The following ABCC4 variants were observed in gnomAD, a reference collection of about 807,000 sequenced individuals.
The protein encoded by ABCC4 is ATP-binding cassette sub-family C member 4.
Under a neutral mutation model 168.5 loss-of-function variants are expected in ABCC4, and 102 were observed. The ratio of observed to expected loss-of-function variants is 0.61; its 90% CI spans 0.52 to 0.71. The LOEUF (loss-of-function observed/expected upper bound fraction) is 0.71. Among genes scored for constraint, ABCC4 ranks in the 30% least tolerant of loss-of-function variants. The pLI, the probability that ABCC4 is intolerant of heterozygous loss-of-function variation, is 0.00. For synonymous variants in ABCC4, 617 were observed against 590.7 expected (o/e 1.04, Z -0.65); for missense variants, 1,402 against 1,605.8 (o/e 0.87, Z 2.17).
chr13:95,300,123 G>C (rs1252888195), intron 1 of ABCC4, among the ~76,000 whole-genome samples: 2 of 152,216 alleles, frequency 1.3e-5, no homozygotes, highest in Non-Finnish European at 2.9e-5. Flanking sequence ...ACAGGCGTGA[G>C]CCACCGCGCC....
intron 10 of ABCC4, among the ~76,000 whole-genome samples, chr13:95,188,153 A>G (rs1420774649): frequency 1.5e-5 from 2 of 137,772 alleles, no homozygotes; most frequent in Non-Finnish European, 3.2e-5. Flanking sequence ...AGAAGTTCCC[A>G]CTTTCTTAGT....
At chr13:95,049,151 T>C (rs1490346180) in intron 27 of ABCC4, among the ~76,000 whole-genome samples, 1 of 151,224 alleles carries the variant, frequency 6.6e-6, no homozygotes, top group African/African-American at 2.4e-5. Context: ...GTGGCCAACA[T>C]GGCAAAACCC....
At chr13:95,114,634 T>G (rs2035312004) in intron 20 of ABCC4, among the ~76,000 whole-genome samples, 1 of 152,174 alleles carries the variant, frequency 6.6e-6, no homozygotes, top group Non-Finnish European at 1.5e-5. Context: ...GAGTCTCAGC[T>G]TACTTCACCT....
At chr13:95,054,129 T>C (rs1307772459) in intron 26 of ABCC4, among the ~76,000 whole-genome samples, 1 of 145,986 alleles carries the variant, frequency 6.8e-6, no homozygotes, top group Admixed American at 7.0e-5. Context: ...TGCCTCTGAT[T>C]TTGCATCAGT....
chr13:95,210,905 A>AC (rs1485239941), intron 4 of ABCC4, 124 bp from the exon 5 acceptor site: 67 of 585,768 alleles, frequency 1.1e-4, no homozygotes, highest in Non-Finnish European at 9.9e-5. Flanking sequence ...AAGCATCCCC[A>AC]CCCCCCCACT....
intron 25 of ABCC4, among the ~76,000 whole-genome samples, chr13:95,063,371 TAA>T (rs2139289324): frequency 6.6e-6 from 1 of 152,324 alleles, no homozygotes; most frequent in South Asian, 2.1e-4. Flanking sequence ...AGAAGTGACA[TAA>T]ACGAGTATTC....
At chr13:95,158,519 TAA>T (rs1329602714) in intron 19 of ABCC4, among the ~76,000 whole-genome samples, 3 of 152,134 alleles carry the variant, frequency 2.0e-5, no homozygotes, top group Non-Finnish European at 4.4e-5. Flanking sequence ...CCCCGTTTCC[TAA>T]GTTTTCTAAA....
intron 1 of ABCC4, among the ~76,000 whole-genome samples, chr13:95,273,904 C>T (rs1469882315): frequency 1.3e-5 from 2 of 151,294 alleles, no homozygotes; most frequent in Non-Finnish European, 2.9e-5. Context: ...CAGGCTCCGC[C>T]CCCCGGGGTT....
chr13:95,295,923 C>T lies in ABCC4; in HGVS notation c.74+5318G>A, dbSNP rs190786478. Reference sequence around the variant, plus strand: ...CAGAGGTTGCAGTGAGCTGAGATCACACCACTGCACTCCAGCCTGGGTGAC... The same window carrying T: ...CAGAGGTTGCAGTGAGCTGAGATCATACCACTGCACTCCAGCCTGGGTGAC... On this transcript the variant is annotated intron_variant, in intron 1 of 30. Coordinates refer to ENST00000645237, the MANE Select transcript of ABCC4 (RefSeq NM_005845.5). Among the ~76,000 whole-genome samples, 229 of 147,044 alleles carry T rather than the reference C, an allele frequency of 1.6e-3. 1 individual carries two copies. The highest frequency in any genetic ancestry group is 5.6e-3 in the African/African-American group (220 of 39,124).
Position 95,083,256 on chromosome 13 carries a change from G to A in ABCC4, c.2570C>T (p.Ala857Val). The stretch of plus-strand genomic sequence containing the variant: ...TGCGATCCAAGGAATCACGGCCACA[G>A]CCACAGAGACCACACCAACCACTTG... ...LLQVVGVVSV[A>V]VAVIPWIAIP... Residue 857 changes from alanine (A) to valine (V), a missense_variant, in exon 21 of 31, where the codon GCT becomes GTT. Ala to Val is a moderately conservative substitution (Grantham distance 64, BLOSUM62 0). This residue lies in a region of ABCC4 where 1,007 missense variants were observed against 1,127.3 expected (regional missense o/e 0.89). Coordinates refer to ENST00000645237, the MANE Select transcript of ABCC4 (RefSeq NM_005845.5). The A allele has an allele frequency of 6.2e-7, 1 of 1,613,956 alleles. No homozygotes were observed. Among genetic ancestry groups the A allele is most frequent in the African/African-American group, 1.3e-5 (1 of 74,984 alleles).
chr13:95,216,804 G>C (rs1019145401), intron 4 of ABCC4, among the ~76,000 whole-genome samples: 3 of 152,014 alleles, frequency 2.0e-5, no homozygotes, highest in Non-Finnish European at 2.9e-5. Flanking sequence ...CATTTCACCG[G>C]GGAAAATGTA....
intron 13 of ABCC4, among the ~76,000 whole-genome samples, chr13:95,177,074 C>T (rs4148496): frequency 0.78 from 119,087 of 152,200 alleles, 46,837 homozygotes; most frequent in African/African-American, 0.84. Context: ...GGCCTACATG[C>T]CTGTGGGTTT....
rs370771661 is a variant in ABCC4, at chr13:95,044,248, T to C, written c.3629+18A>G. The C allele has an allele frequency of 1.3e-5, 21 of 1,589,470 alleles. No homozygotes were observed. Among genetic ancestry groups the C allele is most frequent in the Middle Eastern group, 1.7e-4 (1 of 5,966 alleles). ...CTTAAAATGTGGACTCAAGGTTACATGGACCTCAGCTTTATACCTTGGATC... is the reference window on the plus strand; with the variant it reads ...CTTAAAATGTGGACTCAAGGTTACACGGACCTCAGCTTTATACCTTGGATC... On this transcript the variant is annotated intron_variant, in intron 28 of 30. Coordinates refer to ENST00000645237, the MANE Select transcript of ABCC4 (RefSeq NM_005845.5).
At chr13:95,145,616 CAA>C (rs1233444198) in intron 19 of ABCC4, among the ~76,000 whole-genome samples, 62 of 97,022 alleles carry the variant, frequency 6.4e-4, no homozygotes, top group Admixed American at 8.8e-4. Flanking sequence ...ACCCCATCTC[CAA>C]AAAAAAAAAA....
intron 1 of ABCC4, among the ~76,000 whole-genome samples, chr13:95,282,604 G>A (rs992608327): frequency 3.3e-5 from 5 of 151,558 alleles, no homozygotes; most frequent in Non-Finnish European, 7.4e-5. Flanking sequence ...GCACAATCTC[G>A]ACTCACTGCA....
At chr13:95,218,042 G>A (rs1399951207) in intron 4 of ABCC4, among the ~76,000 whole-genome samples, 3 of 152,138 alleles carry the variant, frequency 2.0e-5, no homozygotes, top group Admixed American at 2.0e-4. Context: ...AAAACGTTCT[G>A]AATAAGCATA....
chr13:95,062,659 T>C, intron 26 of ABCC4, 45 bp downstream of exon 26: 2 of 1,535,208 alleles, frequency 1.3e-6, no homozygotes, highest in Non-Finnish European at 1.8e-6. Flanking sequence ...TTAAACATAG[T>C]AGCTCTTATA....
chr13:95,050,420 G>T (rs1259346638), intron 27 of ABCC4, among the ~76,000 whole-genome samples: 6 of 152,094 alleles, frequency 3.9e-5, no homozygotes, highest in Non-Finnish European at 8.8e-5. Flanking sequence ...AGGAAATTTG[G>T]AAAATCCAGG....
chr13:95,214,609 G>C (rs1331274750), intron 4 of ABCC4, among the ~76,000 whole-genome samples: 1 of 152,118 alleles, frequency 6.6e-6, no homozygotes, highest in Non-Finnish European at 1.5e-5. Flanking sequence ...TAACTGGCCA[G>C]GTGCGGTGGC....
Sources: gnomAD v4.1 joint callset for allele counts (sites outside exome capture counted in the v4.1 genomes callset) on GRCh38, gnomAD v4.1.1 for gene constraint, gnomAD v4.1.1 regional missense constraint, MANE v1.5 for transcripts, NCBI Gene and HGNC (gene_info 2026-07-23, HGNC 2026-07-21) for gene names.